RAB38: variants seen among roughly 807,000 people sequenced by gnomAD.
The protein encoded by RAB38 is ras-related protein Rab-38.
RAB38 carries 15 observed loss-of-function variants against 18.4 expected under a neutral mutation model. The observed-to-expected ratio is 0.82, with a 90% confidence interval of 0.55 to 1.26. RAB38 has a LOEUF of 1.26. Ranked by LOEUF, RAB38 falls within the 50% of genes most tolerant of loss-of-function variation. RAB38 has a pLI of 0.00. For synonymous variants in RAB38, 101 were observed against 104.4 expected (o/e 0.97, Z 0.20); for missense variants, 294 against 267.4 (o/e 1.10, Z -0.69).
the RAB38 span, among the ~76,000 whole-genome samples, chr11:87,861,521 G>A: frequency 6.6e-6 from 1 of 151,888 alleles, no homozygotes; most frequent in Non-Finnish European, 1.5e-5. Flanking sequence ...ACAAAAGCCA[G>A]TCAAGAGCAA....
chr11:87,862,942 A>G, the RAB38 span, among the ~76,000 whole-genome samples: 1 of 151,898 alleles, frequency 6.6e-6, no homozygotes, highest in Non-Finnish European at 1.5e-5. Context: ...ATATTTTTAA[A>G]TAGCAGTCAC....
the RAB38 span, among the ~76,000 whole-genome samples, chr11:87,900,742 G>T: frequency 3.3e-5 from 5 of 150,830 alleles, no homozygotes; most frequent in Non-Finnish European, 3.0e-5. Flanking sequence ...AAGAGGGAGG[G>T]AGGGAAGAAG....
chr11:88,023,467 T>C, the RAB38 span, among the ~76,000 whole-genome samples: 2 of 152,010 alleles, frequency 1.3e-5, no homozygotes, highest in Non-Finnish European at 2.9e-5. Flanking sequence ...AAACTGTCCA[T>C]ATTACCCATA....
At chr11:87,969,441 C>T in the RAB38 span, among the ~76,000 whole-genome samples, 7 of 152,098 alleles carry the variant, frequency 4.6e-5, no homozygotes, top group African/African-American at 9.7e-5. Context: ...ATTCTTCAAA[C>T]GCTCCATGGT....
chr11:88,094,893 C>A, the RAB38 span, among the ~76,000 whole-genome samples: 1 of 151,806 alleles, frequency 6.6e-6, no homozygotes, highest in Non-Finnish European at 1.5e-5. Flanking sequence ...TATTCTTGAA[C>A]CTTCAATATC....
the RAB38 span, among the ~76,000 whole-genome samples, chr11:87,874,790 A>AT: frequency 6.6e-6 from 1 of 151,638 alleles, no homozygotes; most frequent in Non-Finnish European, 1.5e-5. Flanking sequence ...CAAAAAGATA[A>AT]AAGATAAGCA....
the RAB38 span, among the ~76,000 whole-genome samples, chr11:87,808,283 A>G: frequency 2.0e-5 from 3 of 152,232 alleles, no homozygotes; most frequent in Non-Finnish European, 4.4e-5. Context: ...GTTTTTCACA[A>G]TAGCCATGAT....
intron 1 of RAB38, chr11:88,174,043 T>C (rs1486293627): frequency 1.0e-6 from 1 of 985,326 alleles, no homozygotes; most frequent in African/African-American, 1.7e-5. Flanking sequence ...GAAAGGTTCC[T>C]GGTGTCACAG....
At chr11:87,858,742 T>A in the RAB38 span, among the ~76,000 whole-genome samples, 2 of 151,976 alleles carry the variant, frequency 1.3e-5, no homozygotes, top group Non-Finnish European at 2.9e-5. Context: ...CTGGTAACAA[T>A]GGCATAGGAA....
the RAB38 span, among the ~76,000 whole-genome samples, chr11:88,068,833 AG>A: frequency 3.3e-5 from 5 of 152,256 alleles, no homozygotes; most frequent in Non-Finnish European, 7.3e-5. Context: ...AAATATTTTA[AG>A]GCAATTTGCT....
chr11:87,900,584 G>A, the RAB38 span, among the ~76,000 whole-genome samples: 1 of 151,234 alleles, frequency 6.6e-6, no homozygotes, highest in African/African-American at 2.4e-5. Flanking sequence ...CACACCAACT[G>A]GAACTCAATG....
At chr11:87,858,426 A>G in the RAB38 span, among the ~76,000 whole-genome samples, 1 of 152,104 alleles carries the variant, frequency 6.6e-6, no homozygotes, top group East Asian at 1.9e-4. Context: ...CCAAGAACCC[A>G]GTGGTTCCAG....
At chr11:88,157,085 A>T (rs1336567301) in intron 1 of RAB38, among the ~76,000 whole-genome samples, 1 of 152,220 alleles carries the variant, frequency 6.6e-6, no homozygotes, top group Non-Finnish European at 1.5e-5. Flanking sequence ...TCCGTATGCT[A>T]TCTTCAAGAA....
At chr11:88,131,900 T>TA (rs1942771245) in intron 2 of RAB38, among the ~76,000 whole-genome samples, 1 of 152,126 alleles carries the variant, frequency 6.6e-6, no homozygotes, top group South Asian at 2.1e-4. Context: ...TGCCATGCTG[T>TA]AAAAAGGCCA....
chr11:88,173,956 T>G (rs1271399032), intron 1 of RAB38: 1 of 985,294 alleles, frequency 1.0e-6, no homozygotes, highest in Non-Finnish European at 1.2e-6. Flanking sequence ...GATAAAGAGT[T>G]TCCAATCAAA....
At chr11:87,942,938 C>A in the RAB38 span, among the ~76,000 whole-genome samples, 3 of 152,136 alleles carry the variant, frequency 2.0e-5, no homozygotes, top group Admixed American at 2.0e-4. Flanking sequence ...TTGGCTGCAT[C>A]TTTGTTTTAT....
chr11:87,832,553 C>T, the RAB38 span, among the ~76,000 whole-genome samples: 4 of 152,284 alleles, frequency 2.6e-5, no homozygotes, highest in Non-Finnish European at 5.9e-5. Flanking sequence ...TTTTCTTATT[C>T]GCTGTCCACT....
chr11:88,149,244 G>A (rs766219911), intron 2 of RAB38, among the ~76,000 whole-genome samples: 2 of 152,214 alleles, frequency 1.3e-5, no homozygotes, highest in Non-Finnish European at 2.9e-5. Context: ...TTCCTAGGAG[G>A]AAGCACAATT....
chr11:88,039,074 A>C, the RAB38 span, among the ~76,000 whole-genome samples: 20 of 152,332 alleles, frequency 1.3e-4, no homozygotes, highest in Admixed American at 7.2e-4. Context: ...TATAAATGGC[A>C]GTGAATACTT....
Sources: allele counts gnomAD v4.1 joint callset (sites outside exome capture counted in the v4.1 genomes callset), GRCh38; gene constraint gnomAD v4.1.1; transcripts MANE v1.5; gene names NCBI Gene and HGNC (gene_info 2026-07-23, HGNC 2026-07-21).